Variants in ZFHX3 observed in about 807,000 individuals in gnomAD.
The protein encoded by ZFHX3 is zinc finger homeobox protein 3.
In ZFHX3, 42 loss-of-function variants were observed where a neutral mutation model predicts 279.1. The observed-to-expected ratio is 0.15, with a 90% CI of 0.12 to 0.19. The LOEUF is 0.19. ZFHX3 is among the 10% of genes least tolerant of loss of function. The pLI, the probability that ZFHX3 is intolerant of heterozygous loss-of-function variation, is 1.00. For missense variants in ZFHX3, 4,981 were observed against 4,754.0 expected, an observed-to-expected ratio of 1.05 and a Z score of -1.40; for synonymous variants, 2,293 against 1,957.8, an observed-to-expected ratio of 1.17 and a Z score of -4.52.
chr16:73,710,054 G>A (rs1188954086), intron 1 of ZFHX3, among the ~76,000 whole-genome samples: 1 of 152,016 alleles, frequency 6.6e-6, no homozygotes, highest in African/African-American at 2.4e-5. Context: ...GTGGTAGCGG[G>A]CGCCTATAAT....
chr16:73,451,300 A>G (rs898834591), intron 3 of ZFHX3, among the ~76,000 whole-genome samples: 8 of 152,358 alleles, frequency 5.3e-5, no homozygotes, highest in African/African-American at 1.4e-4. Context: ...AAAATGCTTT[A>G]CAATGAAGGG....
At chr16:73,258,338 CATAT>C (rs59013847) in intron 4 of ZFHX3, among the ~76,000 whole-genome samples, 3 of 124,918 alleles carry the variant, frequency 2.4e-5, no homozygotes, top group Non-Finnish European at 1.7e-5. Context: ...TTTGCTATGA[CATAT>C]ATATATATAT....
chr16:73,723,747 A>G (rs781635330), intron 1 of ZFHX3, among the ~76,000 whole-genome samples: 8 of 152,238 alleles, frequency 5.3e-5, no homozygotes, highest in Non-Finnish European at 8.8e-5. Flanking sequence ...TGACCCATGA[A>G]ACAATGTCTT....
At chr16:73,626,253 A>T (rs572814304) in intron 2 of ZFHX3, among the ~76,000 whole-genome samples, 33 of 152,076 alleles carry the variant, frequency 2.2e-4, no homozygotes, top group Admixed American at 9.2e-4. Flanking sequence ...TTGGGCAGGG[A>T]CCTCTCTCTA....
intron 3 of ZFHX3, among the ~76,000 whole-genome samples, chr16:73,382,965 G>C (rs777868068): frequency 6.6e-6 from 1 of 152,158 alleles, no homozygotes; most frequent in Non-Finnish European, 1.5e-5. Flanking sequence ...GAAGGAACCG[G>C]TGAATTCTTA....
chr16:73,529,900 C>T (rs1399840507), intron 2 of ZFHX3, among the ~76,000 whole-genome samples: 1 of 150,878 alleles, frequency 6.6e-6, no homozygotes, highest in Non-Finnish European at 1.5e-5. Context: ...TAATTCCCCA[C>T]ATGTGCAAAA....
chr16:72,995,157 T>C (rs1312481230), intron 1 of ZFHX3, among the ~76,000 whole-genome samples: 1 of 152,142 alleles, frequency 6.6e-6, no homozygotes, highest in African/African-American at 2.4e-5. Flanking sequence ...AATTAACACA[T>C]TTCAGAAAAT....
intron 3 of ZFHX3, among the ~76,000 whole-genome samples, chr16:73,449,906 G>A (rs2018254434): frequency 6.6e-6 from 1 of 152,014 alleles, no homozygotes; most frequent in Non-Finnish European, 1.5e-5. Context: ...TTCTTCTGAG[G>A]ATCAGAAATG....
At chr16:73,845,269 G>A (rs1323572050) in intron 1 of ZFHX3, among the ~76,000 whole-genome samples, 1 of 152,154 alleles carries the variant, frequency 6.6e-6, no homozygotes, top group East Asian at 1.9e-4. Flanking sequence ...TGAAGAGCCA[G>A]ACGTTTTTTC....
At chr16:73,427,980 C>A (rs1291862494) in intron 3 of ZFHX3, among the ~76,000 whole-genome samples, 3 of 151,990 alleles carry the variant, frequency 2.0e-5, no homozygotes, top group African/African-American at 7.2e-5. Flanking sequence ...TGCCCCAGGC[C>A]TCGTGAATTT....
chr16:73,333,805 C>CAAAAAAAAAAAAAAA (rs36006944), intron 3 of ZFHX3, among the ~76,000 whole-genome samples: 1 of 53,848 alleles, frequency 1.9e-5, no homozygotes, highest in African/African-American at 7.5e-5. Flanking sequence ...CCCAAGAGAC[C>CAAAAAAAAAAAAAAA]AAAAAAAAAA....
intron 2 of ZFHX3, among the ~76,000 whole-genome samples, chr16:73,493,403 T>C (rs1189950653): frequency 6.6e-6 from 1 of 152,230 alleles, no homozygotes; most frequent in Admixed American, 6.5e-5. Context: ...TTGTAAGTTC[T>C]ATCACATAAT....
intron 5 of ZFHX3, among the ~76,000 whole-genome samples, chr16:73,248,426 C>A (rs1370045984): frequency 6.7e-6 from 1 of 149,150 alleles, no homozygotes; most frequent in East Asian, 2.0e-4. Context: ...TATAATGTGT[C>A]TTTGTGTCTA....
chr16:73,462,134 T>A (rs894191551), intron 2 of ZFHX3, among the ~76,000 whole-genome samples: 1 of 152,200 alleles, frequency 6.6e-6, no homozygotes, highest in South Asian at 2.1e-4. Context: ...ACATGATGTA[T>A]TTTTAATTTG....
At chr16:73,566,516 C>G (rs904960460) in intron 2 of ZFHX3, among the ~76,000 whole-genome samples, 2 of 152,120 alleles carry the variant, frequency 1.3e-5, no homozygotes, top group African/African-American at 4.8e-5. Context: ...CTTTGCACTC[C>G]TTGGCTTTGT....
At chr16:72,879,543 A>G (rs1478950057) in intron 4 of ZFHX3, among the ~76,000 whole-genome samples, 1 of 152,098 alleles carries the variant, frequency 6.6e-6, no homozygotes, top group African/African-American at 2.4e-5. Flanking sequence ...CTCCTGCCTC[A>G]GCCTCCCGAG....
intron 2 of ZFHX3, among the ~76,000 whole-genome samples, chr16:73,602,981 C>A (rs2052137050): frequency 6.9e-6 from 1 of 144,618 alleles, no homozygotes. Context: ...AGATATCCTG[C>A]AAGTCAATAA....
chr16:72,951,227 A>G (rs1960981436), intron 2 of ZFHX3, among the ~76,000 whole-genome samples: 1 of 152,086 alleles, frequency 6.6e-6, no homozygotes, highest in South Asian at 2.1e-4. Context: ...AACACCTAGA[A>G]AAGTTAGGAG....
chr16:73,089,675 T>A (rs1260341624), intron 8 of ZFHX3, among the ~76,000 whole-genome samples: 1 of 152,168 alleles, frequency 6.6e-6, no homozygotes, highest in African/African-American at 2.4e-5. Flanking sequence ...CTGGATAGGA[T>A]GAATGTACCA....
Sources: allele counts gnomAD v4.1 joint callset (sites outside exome capture counted in the v4.1 genomes callset), GRCh38; gene constraint gnomAD v4.1.1; transcripts MANE v1.5; gene names NCBI Gene and HGNC (gene_info 2026-07-23, HGNC 2026-07-21).